The following DOCK4 variants were observed in gnomAD, a reference collection of about 807,000 sequenced individuals.
DOCK4 encodes the protein dedicator of cytokinesis 4.
In DOCK4, 97 loss-of-function variants were observed where a neutral mutation model predicts 268.1. The observed-to-expected ratio is 0.36, with a 90% CI of 0.31 to 0.43. The LOEUF is 0.43. DOCK4 is among the 20% of genes least tolerant of loss of function. The pLI is 1.00. For missense variants in DOCK4, 2,145 were observed against 2,455.7 expected (o/e 0.87, Z 2.67); for synonymous variants, 954 against 887.2 (o/e 1.08, Z -1.34).
chr7:111,744,309 G>A (rs970537851), intron 44 of DOCK4, among the ~76,000 whole-genome samples: 1 of 152,210 alleles, frequency 6.6e-6, no homozygotes, highest in Admixed American at 6.5e-5. Context: ...CACTGGGGTG[G>A]TGCATGTCTC....
chr7:112,141,299 A>G (rs1814906522), intron 1 of DOCK4, among the ~76,000 whole-genome samples: 1 of 152,188 alleles, frequency 6.6e-6, no homozygotes, highest in Non-Finnish European at 1.5e-5. Flanking sequence ...GACCACTCAA[A>G]AACTTGCAAT....
rs565900291 is a variant in DOCK4, at chr7:111,946,040, T to C, written c.702-242A>G. Among the ~76,000 whole-genome samples, 9 of 152,314 alleles carry C rather than the reference T, an allele frequency of 5.9e-5. No individual in the cohort carries two copies. The East Asian group carries it at 1.2e-3, about 20-fold the overall frequency. On this transcript the variant is annotated intron_variant, in intron 8 of 52. Coordinates refer to ENST00000428084, the MANE Select transcript of DOCK4 (RefSeq NM_001363540.2). ...CCTATATACAAACAGACATTAACTT[T>C]TGAAAGACTTGAATACAATTTTATA...
intron 1 of DOCK4, among the ~76,000 whole-genome samples, chr7:112,190,617 T>C (rs954266730): frequency 2.0e-5 from 3 of 152,000 alleles, no homozygotes; most frequent in Admixed American, 6.5e-5. Flanking sequence ...CAGGGGCCGA[T>C]TTAGGAGGGA....
intron 8 of DOCK4, among the ~76,000 whole-genome samples, chr7:111,947,726 T>A (rs1795730848): frequency 1.3e-5 from 2 of 152,198 alleles, no homozygotes; most frequent in Admixed American, 1.3e-4. Context: ...TTTATCATTT[T>A]AATTTTTTTT....
intron 24 of DOCK4, 118 bp from the exon 25 acceptor site, chr7:111,845,015 A>T (rs1458737626): frequency 1.5e-6 from 2 of 1,359,138 alleles, no homozygotes; most frequent in East Asian, 2.3e-5. Flanking sequence ...ACCTAAGTGA[A>T]TGATCTCCTT....
intron 1 of DOCK4, among the ~76,000 whole-genome samples, chr7:112,098,573 TAGATTATGTA>T (rs575272707): frequency 1.8e-4 from 27 of 149,714 alleles, no homozygotes; most frequent in African/African-American, 6.1e-4. Context: ...GATAATTTTA[TAGATTATGTA>T]AGATTATGTA....
At chr7:112,125,481 T>C (rs1349569672) in intron 1 of DOCK4, among the ~76,000 whole-genome samples, 1 of 152,210 alleles carries the variant, frequency 6.6e-6, no homozygotes, top group Non-Finnish European at 1.5e-5. Context: ...TGTTGCTTAG[T>C]ATAAAGTCAC....
intron 24 of DOCK4, among the ~76,000 whole-genome samples, chr7:111,845,567 C>T (rs1456585915): frequency 6.6e-6 from 1 of 152,138 alleles, no homozygotes; most frequent in Non-Finnish European, 1.5e-5. Flanking sequence ...CTTATTACAC[C>T]TGCACAAAAC....
intron 40 of DOCK4, among the ~76,000 whole-genome samples, chr7:111,759,029 C>T (rs35252462): frequency 0.048 from 7,239 of 151,542 alleles, 224 homozygotes; most frequent in Non-Finnish European, 0.066. Context: ...ATTTCCATGA[C>T]TTGAAAATTT....
intron 1 of DOCK4, among the ~76,000 whole-genome samples, chr7:112,109,137 GGT>G (rs1811399589): frequency 6.6e-6 from 1 of 152,178 alleles, no homozygotes; most frequent in Admixed American, 6.5e-5. Flanking sequence ...CCAGCCACAT[GGT>G]GCCAAGCCAG....
At chr7:111,776,318 T>C (rs1057070287) in intron 36 of DOCK4, among the ~76,000 whole-genome samples, 4 of 152,158 alleles carry the variant, frequency 2.6e-5, no homozygotes, top group African/African-American at 7.2e-5. Flanking sequence ...AATAAAAAGA[T>C]AGACATTCTT....
At chr7:111,796,964 G>A (rs960036949) in intron 30 of DOCK4, among the ~76,000 whole-genome samples, 9 of 152,230 alleles carry the variant, frequency 5.9e-5, no homozygotes, top group Admixed American at 3.9e-4. Flanking sequence ...AGGGAAAACA[G>A]TCGGAGAATG....
At chr7:111,793,277 T>A (rs1055764318) in intron 30 of DOCK4, among the ~76,000 whole-genome samples, 1 of 152,204 alleles carries the variant, frequency 6.6e-6, no homozygotes, top group African/African-American at 2.4e-5. Context: ...AGAAGAGAAT[T>A]TAGAAAAACT....
chr7:112,084,467 T>A (rs1313704479), intron 1 of DOCK4, among the ~76,000 whole-genome samples: 1 of 152,152 alleles, frequency 6.6e-6, no homozygotes, highest in Admixed American at 6.6e-5. Flanking sequence ...TTAGAAGTTG[T>A]GTGTCCAGCA....
chr7:111,887,613 G>A (rs1373303437), intron 16 of DOCK4, among the ~76,000 whole-genome samples: 1 of 152,120 alleles, frequency 6.6e-6, no homozygotes, highest in Non-Finnish European at 1.5e-5. Context: ...TTTAGCCCCT[G>A]GCTGGGCACT....
intron 1 of DOCK4, among the ~76,000 whole-genome samples, chr7:112,088,183 A>G (rs78431723): frequency 0.016 from 2,430 of 152,222 alleles, 37 homozygotes; most frequent in Non-Finnish European, 0.028. Context: ...GGCAGGTCAC[A>G]CTGTTGGCTG....
At chr7:111,838,086 C>CA (rs749907970) in intron 25 of DOCK4, among the ~76,000 whole-genome samples, 2,513 of 29,600 alleles carry the variant, frequency 0.085, 355 homozygotes, top group African/African-American at 0.19. Context: ...AACCCTACCT[C>CA]AAAAAAAAAA....
intron 1 of DOCK4, among the ~76,000 whole-genome samples, chr7:112,077,261 AAGTT>A (rs775028724): frequency 1.7e-4 from 26 of 152,274 alleles, no homozygotes; most frequent in Admixed American, 6.5e-4. Flanking sequence ...AATGCTATAA[AAGTT>A]AGCCCAACAT....
intron 22 of DOCK4, among the ~76,000 whole-genome samples, chr7:111,867,109 C>T (rs1286014006): frequency 6.6e-6 from 1 of 152,192 alleles, no homozygotes; most frequent in Non-Finnish European, 1.5e-5. Context: ...CAAGAATAGA[C>T]CTCTCAACAG....
Sources: allele counts gnomAD v4.1 joint callset (sites outside exome capture counted in the v4.1 genomes callset), GRCh38; gene constraint gnomAD v4.1.1; transcripts MANE v1.5; gene names NCBI Gene and HGNC (gene_info 2026-07-23, HGNC 2026-07-21).